The following MGMT variants were observed in gnomAD, a reference collection of about 807,000 sequenced individuals.
MGMT encodes methylated-DNA--protein-cysteine methyltransferase.
Under a neutral mutation model 15.9 loss-of-function variants are expected in MGMT, and 14 were observed. The ratio of observed to expected loss-of-function variants is 0.88; its 90% CI spans 0.58 to 1.37. The LOEUF is 1.37. Ranked by LOEUF, MGMT falls within the 40% of genes most tolerant of loss-of-function variation. The pLI is 0.00. For missense variants in MGMT, 282 were observed against 268.1 expected (o/e 1.05, Z -0.36); for synonymous variants, 130 against 118.2 (o/e 1.10, Z -0.65).
chr10:129,580,283 T>C (rs1202468961), intron 2 of MGMT, among the ~76,000 whole-genome samples: 1 of 152,164 alleles, frequency 6.6e-6, no homozygotes, highest in African/African-American at 2.4e-5. Context: ...CTGCATACCA[T>C]GTGTCAGGAG....
At chr10:129,542,660 G>T (rs377389077) in intron 2 of MGMT, among the ~76,000 whole-genome samples, 5 of 152,208 alleles carry the variant, frequency 3.3e-5, no homozygotes, top group African/African-American at 1.2e-4. Context: ...TTTATAGAGT[G>T]TTCCTTAAGG....
At chr10:129,657,729 C>CACA (rs1564750921) in intron 2 of MGMT, among the ~76,000 whole-genome samples, 4,880 of 122,160 alleles carry the variant, frequency 0.04, 223 homozygotes, top group Admixed American at 0.044. Context: ...ACACACACAC[C>CACA]CCCTCTCCCC....
chr10:129,696,742 G>A (rs1280116021), intron 2 of MGMT, among the ~76,000 whole-genome samples: 3 of 152,240 alleles, frequency 2.0e-5, no homozygotes, highest in Non-Finnish European at 4.4e-5. Context: ...GGCAGAGTTG[G>A]GACCAGCCCC....
rs373108958 is a variant in MGMT at position 129,731,993 on chromosome 10, T to C, written c.274+23950T>C. On this transcript the variant is annotated intron_variant, in intron 3 of 4. Coordinates refer to ENST00000651593, the MANE Select transcript of MGMT (RefSeq NM_002412.5). Reference sequence around the variant, plus strand: ...CTAAAAGGCAAATAACATCCTAGTATTGCTATGGAAATGATTTTGACCTCA... The same window carrying C: ...CTAAAAGGCAAATAACATCCTAGTACTGCTATGGAAATGATTTTGACCTCA... 6.7e-4 allele frequency among the ~76,000 whole-genome samples: 102 copies of C among 152,222 alleles called. 1 individual carries two copies. The highest frequency in any genetic ancestry group is 2.3e-3 in the African/African-American group (95 of 41,512).
In MGMT at chr10:129,581,604, C is replaced by T. The variant is rs537288023; in HGVS notation, c.125+45227C>T. ...TCTGCAACTTGCTGGAGTGCAGACACGTCTCAGAATAAGATATTCTCAGAC... is the reference window on the plus strand; with the variant it reads ...TCTGCAACTTGCTGGAGTGCAGACATGTCTCAGAATAAGATATTCTCAGAC... On this transcript the variant is annotated intron_variant, in intron 2 of 4. Coordinates refer to ENST00000651593, the MANE Select transcript of MGMT (RefSeq NM_002412.5). Among the ~76,000 whole-genome samples, 206 of 152,300 alleles carry T rather than the reference C, an allele frequency of 1.4e-3. 1 individual carries two copies. Among genetic ancestry groups the T allele is most frequent in the African/African-American group, 4.4e-3 (184 of 41,554 alleles).
chr10:129,479,067 G>A (rs1475002055), intron 1 of MGMT, among the ~76,000 whole-genome samples: 3 of 152,212 alleles, frequency 2.0e-5, no homozygotes, highest in Admixed American at 6.5e-5. Context: ...ACACGGTTCT[G>A]TGACAGCAGT....
rs182624149 is a variant in MGMT, at chr10:129,659,359, G to T, written c.126-48536G>T. Among the ~76,000 whole-genome samples the T allele has an allele frequency of 7.1e-6, 1 of 141,368 alleles. No individual in the cohort carries two copies. The highest frequency in any genetic ancestry group is 2.6e-5 in the African/African-American group (1 of 38,408). 92.7% of individuals were successfully genotyped at this position (141,368 alleles called of 152,430 possible). A position where few individuals can be genotyped will look rare whatever the true frequency, so the allele number is the denominator to read the frequency against. ...GTGGCAGAGCGAGACTCCCTGTGTGGAAAAAAAAAAAAAAGATACTCAGAT... is the reference window on the plus strand; with the variant it reads ...GTGGCAGAGCGAGACTCCCTGTGTGTAAAAAAAAAAAAAAGATACTCAGAT... On this transcript the variant is annotated intron_variant, in intron 2 of 4. Transcript: ENST00000651593. This position sits in a 1 kb window ranked among gnomAD's most constrained non-coding sequence, Gnocchi z 4.1.
At chr10:129,598,887 A>G (rs564653558) in intron 2 of MGMT, among the ~76,000 whole-genome samples, 2 of 152,244 alleles carry the variant, frequency 1.3e-5, no homozygotes, top group East Asian at 3.9e-4. Flanking sequence ...TTGTTTTGAC[A>G]GGGACATCAT....
intron 1 of MGMT, among the ~76,000 whole-genome samples, chr10:129,522,056 ACACAGAAC>A (rs71873704): frequency 1 from 151,936 of 152,090 alleles, 75,892 homozygotes; most frequent in Middle Eastern, 1. Flanking sequence ...GACTTAATGC[ACACAGAAC>A]CACAGAACCA....
intron 1 of MGMT, among the ~76,000 whole-genome samples, chr10:129,502,785 A>G (rs1459282981): frequency 6.6e-6 from 1 of 151,134 alleles, no homozygotes; most frequent in Non-Finnish European, 1.5e-5. Flanking sequence ...ATCAAGTTAC[A>G]TTTTTTTTTG....
intron 2 of MGMT, among the ~76,000 whole-genome samples, chr10:129,587,101 T>C (rs1201002745): frequency 2.0e-5 from 3 of 152,178 alleles, no homozygotes; most frequent in Non-Finnish European, 4.4e-5. Context: ...TCTGCTGTCA[T>C]CCTTATTTTC....
intron 2 of MGMT, among the ~76,000 whole-genome samples, chr10:129,687,124 GAAC>G (rs1293783081): frequency 1.3e-5 from 2 of 152,050 alleles, no homozygotes; most frequent in Non-Finnish European, 2.9e-5. Context: ...CAAGGGGTAA[GAAC>G]AACGTTTTTA....
chr10:129,527,648 A>G (rs1845885214), intron 1 of MGMT, among the ~76,000 whole-genome samples: 1 of 151,922 alleles, frequency 6.6e-6, no homozygotes, highest in Admixed American at 6.6e-5. Flanking sequence ...GCCTGGAGAG[A>G]GCTTGCACAC....
chr10:129,595,309 G>T (rs896960416), intron 2 of MGMT, among the ~76,000 whole-genome samples: 1 of 152,146 alleles, frequency 6.6e-6, no homozygotes, highest in East Asian at 1.9e-4. Context: ...AAATTGCTCT[G>T]CTCAGGTTGG....
chr10:129,606,952 A>C (rs1417488187), intron 2 of MGMT, among the ~76,000 whole-genome samples: 1 of 152,136 alleles, frequency 6.6e-6, no homozygotes, highest in Non-Finnish European at 1.5e-5. Flanking sequence ...TAACAACTAG[A>C]CTTGTGACTT....
At chr10:129,719,168 C>T (rs139700693) in intron 3 of MGMT, among the ~76,000 whole-genome samples, 111 of 150,442 alleles carry the variant, frequency 7.4e-4, no homozygotes, top group African/African-American at 2.0e-3. Flanking sequence ...CCCGCTCAGG[C>T]GTGTCACCTT....
intron 2 of MGMT, among the ~76,000 whole-genome samples, chr10:129,666,129 C>G (rs1367779208): frequency 6.6e-6 from 1 of 152,126 alleles, no homozygotes; most frequent in Non-Finnish European, 1.5e-5. Context: ...ATGGTAAAAA[C>G]AGGTGAATCT....
chr10:129,703,679 G>A (rs1258611471), intron 2 of MGMT, among the ~76,000 whole-genome samples: 2 of 150,162 alleles, frequency 1.3e-5, no homozygotes, highest in Non-Finnish European at 2.9e-5. Context: ...CTCGCCGGGG[G>A]GGCACCTTTG....
intron 1 of MGMT, among the ~76,000 whole-genome samples, chr10:129,489,661 T>C (rs1330772767): frequency 1.3e-5 from 2 of 152,148 alleles, no homozygotes; most frequent in Non-Finnish European, 2.9e-5. Context: ...TTTAATAAGT[T>C]TTTTCATAAA....
Sources: allele counts gnomAD v4.1 joint callset (sites outside exome capture counted in the v4.1 genomes callset), GRCh38; gene constraint gnomAD v4.1.1; non-coding constraint Gnocchi (gnomAD v3.1); transcripts MANE v1.5; gene names NCBI Gene and HGNC (gene_info 2026-07-23, HGNC 2026-07-21).